Variants in IPCEF1 observed in about 807,000 individuals in gnomAD.
IPCEF1 encodes interactor protein for cytohesin exchange factors 1.
A neutral mutation model predicts 50.9 loss-of-function variants in IPCEF1; 31 were observed. The observed-to-expected ratio is 0.61, with a 90% CI of 0.46 to 0.82. The LOEUF is 0.82. IPCEF1 is among the 40% of genes least tolerant of loss of function. The probability of loss-of-function intolerance (pLI) is 0.00; values close to 1 mark genes in which losing one functional copy is unlikely to be tolerated. For synonymous variants in IPCEF1, 181 were observed against 192.0 expected (o/e 0.94, Z 0.47); for missense variants, 458 against 514.0 (o/e 0.89, Z 1.05).
At chr6:154,249,414 C>T (rs7738233) in intron 3 of IPCEF1, among the ~76,000 whole-genome samples, 55,179 of 151,902 alleles carry the variant, frequency 0.36, 10,453 homozygotes, top group Middle Eastern at 0.47. Flanking sequence ...GAAGAGAATT[C>T]GTGAATGTAG....
rs34071881 is a variant in IPCEF1, at chr6:154,199,798, T to C, written c.780A>G (p.Glu260=). 940 of 1,614,226 alleles carry C rather than the reference T, an allele frequency of 5.8e-4. 1 individual carries two copies. In the African/African-American group the frequency reaches 0.011, roughly 19 times the overall value. ...CACTTTCTGATGTGACAAAACTGTT[T>C]TCCAGGGCCTTGTGGATGCCTGCCT... ...PSEAGIHKAL[E]NSFVTSESGF... Residue 260 remains glutamate, a synonymous_variant, in exon 10 of 12, where the codon GAA becomes GAG. Coordinates refer to ENST00000367220, the MANE Select transcript of IPCEF1 (RefSeq NM_001130700.2).
At chr6:154,329,297 A>C (rs1783599055) in intron 1 of IPCEF1, among the ~76,000 whole-genome samples, 3 of 152,032 alleles carry the variant, frequency 2.0e-5, no homozygotes, top group African/African-American at 7.2e-5. Flanking sequence ...GTAACTATTC[A>C]CAAGAACAGC....
At chr6:154,199,610 T>C in intron 10 of IPCEF1, 58 bp downstream of exon 10, 1 of 1,461,452 alleles carries the variant, frequency 6.8e-7, no homozygotes, top group Admixed American at 2.2e-5. Context: ...AATATTACAG[T>C]TCCATATACA....
intron 6 of IPCEF1, among the ~76,000 whole-genome samples, chr6:154,221,717 CA>C (rs199880394): frequency 4.6e-5 from 7 of 151,768 alleles, no homozygotes; most frequent in African/African-American, 1.7e-4. Flanking sequence ...ACTAAATATA[CA>C]AAAAAATTAG....
chr6:154,307,855 G>T (rs576217130), intron 1 of IPCEF1, among the ~76,000 whole-genome samples: 2 of 152,280 alleles, frequency 1.3e-5, no homozygotes, highest in South Asian at 4.1e-4. Context: ...TGCCTCCTCT[G>T]TGTACTGTTA....
At chr6:154,180,483 A>G (rs1800770504) in intron 10 of IPCEF1, among the ~76,000 whole-genome samples, 1 of 151,054 alleles carries the variant, frequency 6.6e-6, no homozygotes, top group Non-Finnish European at 1.5e-5. Flanking sequence ...TTTAGCCAAC[A>G]GTTATAAGTT....
chr6:154,268,786 A>G (rs1399247051), intron 2 of IPCEF1, among the ~76,000 whole-genome samples: 1 of 147,894 alleles, frequency 6.8e-6, no homozygotes, highest in Non-Finnish European at 1.5e-5. Context: ...AAACACATTT[A>G]TTTCCATTTC....
chr6:154,316,991 G>C (rs1269842803), intron 1 of IPCEF1, among the ~76,000 whole-genome samples: 1 of 151,998 alleles, frequency 6.6e-6, no homozygotes, highest in Non-Finnish European at 1.5e-5. Flanking sequence ...ACCTAAACTT[G>C]ACAGCTGAAA....
At chr6:154,275,431 C>T (rs1016650170) in intron 2 of IPCEF1, among the ~76,000 whole-genome samples, 3 of 152,186 alleles carry the variant, frequency 2.0e-5, no homozygotes, top group African/African-American at 7.2e-5. Flanking sequence ...GGGTATCCCC[C>T]GAATAACATC....
intron 9 of IPCEF1, among the ~76,000 whole-genome samples, chr6:154,203,779 C>T (rs1480475990): frequency 1.3e-5 from 2 of 152,180 alleles, no homozygotes; most frequent in African/African-American, 4.8e-5. Flanking sequence ...TTGTTTGACA[C>T]ATAATTGGTG....
chr6:154,279,127 TAA>T (rs5881071), intron 2 of IPCEF1, among the ~76,000 whole-genome samples: 3 of 105,424 alleles, frequency 2.8e-5, no homozygotes, highest in Admixed American at 1.9e-4. Flanking sequence ...TGTCTCAAAA[TAA>T]AAAAAAAAAA....
intron 5 of IPCEF1, 34 bp downstream of exon 5, chr6:154,246,557 A>G (rs1781063305): frequency 6.3e-7 from 1 of 1,581,900 alleles, no homozygotes; most frequent in Admixed American, 1.8e-5. Flanking sequence ...CCTCATTAAA[A>G]CGGCTGGGAA....
At chr6:154,327,700 C>T (rs1485801094) in intron 1 of IPCEF1, among the ~76,000 whole-genome samples, 2 of 152,142 alleles carry the variant, frequency 1.3e-5, no homozygotes, top group African/African-American at 4.8e-5. Flanking sequence ...TACCATTTGA[C>T]CCAGCAATCC....
chr6:154,166,108 A>T (rs1261891265), intron 11 of IPCEF1, among the ~76,000 whole-genome samples: 2 of 152,252 alleles, frequency 1.3e-5, no homozygotes, highest in Non-Finnish European at 2.9e-5. Flanking sequence ...CTGGCCACAG[A>T]CACTTTGAAA....
In IPCEF1 at chr6:154,223,157, A is replaced by G; in HGVS notation, c.320+13T>C. The G allele has an allele frequency of 3.1e-6, 5 of 1,605,556 alleles. No individual in the cohort carries two copies. The highest frequency in any genetic ancestry group is 4.3e-6 in the Non-Finnish European group (5 of 1,172,628). On this transcript the variant is annotated intron_variant, in intron 6 of 11. Transcript: ENST00000367220. ...CTGGCTCAGAGTTTTGTGGAAGATGAGAGACAACTTACTGCTTTTTCTTGC... is the reference window on the plus strand; with the variant it reads ...CTGGCTCAGAGTTTTGTGGAAGATGGGAGACAACTTACTGCTTTTTCTTGC...
rs554206677 is a variant in IPCEF1 at position 154,216,277 on chromosome 6, T to TA, written c.393-2002dup. The stretch of plus-strand genomic sequence containing the variant: ...AACACTGATTCTATCAATTTCCTGT[T>TA]ATAATGAAGCTAATGAGAGGACTAA... On this transcript the variant is annotated intron_variant, in intron 7 of 11. Coordinates refer to ENST00000367220, the MANE Select transcript of IPCEF1 (RefSeq NM_001130700.2). Among the ~76,000 whole-genome samples, 1,039 of 152,210 alleles carry TA rather than the reference T, an allele frequency of 6.8e-3. 11 individuals carry two copies. Among genetic ancestry groups the TA allele is most frequent in the Middle Eastern group, 0.024 (7 of 294 alleles).
intron 1 of IPCEF1, among the ~76,000 whole-genome samples, chr6:154,303,785 T>A (rs963779023): frequency 6.6e-6 from 1 of 152,034 alleles, no homozygotes; most frequent in Non-Finnish European, 1.5e-5. Context: ...TAACGAGGCA[T>A]GTTGGTGCAC....
intron 2 of IPCEF1, among the ~76,000 whole-genome samples, chr6:154,283,425 T>A (rs1291661166): frequency 6.7e-6 from 1 of 149,682 alleles, no homozygotes; most frequent in African/African-American, 2.5e-5. Context: ...TGAAACCCCA[T>A]CTCTACAAAA....
intron 10 of IPCEF1, among the ~76,000 whole-genome samples, chr6:154,169,178 T>C (rs1439304476): frequency 6.6e-6 from 1 of 151,906 alleles, no homozygotes; most frequent in Non-Finnish European, 1.5e-5. Context: ...CTTGACAACA[T>C]GGTAAAACCC....
Sources: allele counts gnomAD v4.1 joint callset (sites outside exome capture counted in the v4.1 genomes callset), GRCh38; gene constraint gnomAD v4.1.1; transcripts MANE v1.5; gene names NCBI Gene and HGNC (gene_info 2026-07-23, HGNC 2026-07-21).